The following MLLT3 variants were observed in gnomAD, a reference collection of about 807,000 sequenced individuals.
The protein encoded by MLLT3 is MLLT3 super elongation complex subunit, also known as protein AF-9.
MLLT3 carries 4 observed loss-of-function variants against 53.2 expected under a neutral mutation model. The observed-to-expected ratio is 0.08, with a 90% confidence interval of 0.04 to 0.17. The LOEUF (loss-of-function observed/expected upper bound fraction) is 0.17, where lower values mean the gene tolerates loss of function less well. MLLT3 is among the 10% of genes least tolerant of loss of function. MLLT3 has a pLI of 1.00. For missense variants in MLLT3, 569 were observed against 684.0 expected (o/e 0.83, Z 1.87); for synonymous variants, 283 against 230.6 (o/e 1.23, Z -2.06).
chr9:20,402,960 C>T (rs1451479519), intron 5 of MLLT3, among the ~76,000 whole-genome samples: 1 of 152,142 alleles, frequency 6.6e-6, no homozygotes. Flanking sequence ...TGTGTAAGGG[C>T]TAGTTTTTAA....
chr9:20,482,962 T>G (rs1824702199), intron 2 of MLLT3, among the ~76,000 whole-genome samples: 1 of 152,118 alleles, frequency 6.6e-6, no homozygotes, highest in Admixed American at 6.5e-5. Flanking sequence ...TAGCAGTCTA[T>G]CCTCAATTTT....
At chr9:20,358,924 A>C (rs1326190841) in intron 8 of MLLT3, among the ~76,000 whole-genome samples, 1 of 152,054 alleles carries the variant, frequency 6.6e-6, no homozygotes, top group Non-Finnish European at 1.5e-5. Flanking sequence ...TGTGAGGCGC[A>C]TGATGAGGTC....
intron 2 of MLLT3, among the ~76,000 whole-genome samples, chr9:20,484,901 G>C (rs1330853024): frequency 6.6e-6 from 1 of 152,068 alleles, no homozygotes; most frequent in Non-Finnish European, 1.5e-5. Flanking sequence ...AAAAGATAAG[G>C]AGTATGTATG....
At chr9:20,359,899 G>A (rs765809212) in intron 8 of MLLT3, among the ~76,000 whole-genome samples, 1 of 152,162 alleles carries the variant, frequency 6.6e-6, no homozygotes, top group Non-Finnish European at 1.5e-5. Flanking sequence ...TCAATTCAAT[G>A]CTCAATGAGG....
At chr9:20,456,650 A>G in intron 3 of MLLT3, 54 bp downstream of exon 3, 1 of 1,211,086 alleles carries the variant, frequency 8.3e-7, no homozygotes, top group East Asian at 2.3e-5. Context: ...TTTAAACATC[A>G]TTTGGCTAAT....
intron 8 of MLLT3, among the ~76,000 whole-genome samples, chr9:20,355,430 T>C (rs532451275): frequency 1.3e-5 from 2 of 152,246 alleles, no homozygotes; most frequent in Non-Finnish European, 2.9e-5. Context: ...TAAGAAATGA[T>C]GTGTTTACCC....
In MLLT3 at chr9:20,532,792, T is replaced by C. The variant is rs16938093; in HGVS notation, c.194-76006A>G. The C allele has an allele frequency of 6.8e-3, 1,763 of 261,096 alleles. 25 individuals carry two copies. Among genetic ancestry groups the C allele is most frequent in the African/African-American group, 0.035 (1,506 of 43,652 alleles). 16.2% of individuals were successfully genotyped at this position (261,096 alleles called of 1,614,324 possible). A position where few individuals can be genotyped will look rare whatever the true frequency, so the allele number is the denominator to read the frequency against. ...CGGCTGAAAGCACTTCCTGAGATTA[T>C]TAACCAGTTCACCCAGGCCCTGGAC... On this transcript the variant is annotated intron_variant, in intron 2 of 10. Coordinates refer to ENST00000380338, the MANE Select transcript of MLLT3 (RefSeq NM_004529.4).
At chr9:20,388,431 A>T (rs1448829493) in intron 5 of MLLT3, among the ~76,000 whole-genome samples, 3 of 152,028 alleles carry the variant, frequency 2.0e-5, no homozygotes, top group African/African-American at 7.3e-5. Flanking sequence ...TACTAAAAAT[A>T]CCAAAAATTA....
chr9:20,584,076 T>A (rs769057593), intron 2 of MLLT3, among the ~76,000 whole-genome samples: 33 of 152,212 alleles, frequency 2.2e-4, no homozygotes, highest in Admixed American at 2.6e-4. Context: ...ACTTTGCTGC[T>A]TAGAAATTTT....
At chr9:20,496,620 CTG>C (rs1825085858) in intron 2 of MLLT3, among the ~76,000 whole-genome samples, 1 of 152,130 alleles carries the variant, frequency 6.6e-6, no homozygotes, top group Non-Finnish European at 1.5e-5. Context: ...GTGGTTTGTG[CTG>C]TGTTAGCCTG....
At chr9:20,354,742 G>T in intron 9 of MLLT3, 66 bp downstream of exon 9, 1 of 1,052,272 alleles carries the variant, frequency 9.5e-7, no homozygotes. Flanking sequence ...GATGATCAAG[G>T]GCAACACAAA....
rs139658283 is a variant in MLLT3 at position 20,503,108 on chromosome 9, G to A, written c.194-46322C>T. On this transcript the variant is annotated intron_variant, in intron 2 of 10. Coordinates refer to ENST00000380338, the MANE Select transcript of MLLT3 (RefSeq NM_004529.4). ...GTTCACAAGTGGAGAAATTAATAGT[G>A]TTAAAATGTCCACACTACCCAAAGT... 5.8e-3 allele frequency among the ~76,000 whole-genome samples: 878 copies of A among 152,224 alleles called. 6 individuals are homozygous for A. Among genetic ancestry groups the A allele is most frequent in the African/African-American group, 0.02 (849 of 41,542 alleles).
intron 10 of MLLT3, among the ~76,000 whole-genome samples, chr9:20,350,531 C>T (rs943682462): frequency 1.4e-5 from 2 of 144,520 alleles, no homozygotes; most frequent in East Asian, 2.1e-4. Context: ...GGAGGCGGAG[C>T]TTGCAGTGAG....
At chr9:20,381,987 T>G (rs1586906590) in intron 5 of MLLT3, among the ~76,000 whole-genome samples, 1 of 151,926 alleles carries the variant, frequency 6.6e-6, no homozygotes, top group Non-Finnish European at 1.5e-5. Flanking sequence ...TTCTTTAACA[T>G]GCACTTAAAA....
chr9:20,472,316 A>G (rs1334545736), intron 2 of MLLT3, among the ~76,000 whole-genome samples: 1 of 152,096 alleles, frequency 6.6e-6, no homozygotes. Context: ...CCAACCCTCA[A>G]TGCCACTGCC....
At chr9:20,587,899 G>C (rs2131182245) in intron 2 of MLLT3, among the ~76,000 whole-genome samples, 1 of 152,176 alleles carries the variant, frequency 6.6e-6, no homozygotes, top group Non-Finnish European at 1.5e-5. Flanking sequence ...TGGTGTTTTA[G>C]ACATGAAGTC....
chr9:20,485,543 G>C (rs949632721), intron 2 of MLLT3, among the ~76,000 whole-genome samples: 1 of 152,074 alleles, frequency 6.6e-6, no homozygotes, highest in African/African-American at 2.4e-5. Flanking sequence ...CACTACACTT[G>C]TTTATTTCTC....
chr9:20,581,943 A>G (rs1819803520), intron 2 of MLLT3, among the ~76,000 whole-genome samples: 1 of 152,196 alleles, frequency 6.6e-6, no homozygotes, highest in Admixed American at 6.5e-5. Flanking sequence ...ACCACAGAAC[A>G]AAGTTCTATA....
intron 5 of MLLT3, among the ~76,000 whole-genome samples, chr9:20,400,584 A>G (rs1048868722): frequency 1.3e-5 from 2 of 152,258 alleles, no homozygotes; most frequent in Middle Eastern, 3.4e-3. Flanking sequence ...CTTATTAAAA[A>G]TCATACCAGG....
Sources: gnomAD v4.1 joint callset for allele counts (sites outside exome capture counted in the v4.1 genomes callset) on GRCh38, gnomAD v4.1.1 for gene constraint, MANE v1.5 for transcripts, NCBI Gene and HGNC (gene_info 2026-07-23, HGNC 2026-07-21) for gene names.